The following ADARB2 variants were observed in gnomAD, a reference collection of about 807,000 sequenced individuals.
ADARB2 encodes adenosine deaminase RNA specific B2 (inactive), also known as inactive double-stranded RNA-specific editase B2.
A neutral mutation model predicts 62.2 loss-of-function variants in ADARB2; 25 were observed. The ratio of observed to expected loss-of-function variants is 0.40; its 90% CI spans 0.29 to 0.56. The LOEUF (loss-of-function observed/expected upper bound fraction) is 0.56, where lower values mean the gene tolerates loss of function less well. Ranked by LOEUF, ADARB2 falls within the 20% of genes least tolerant of loss-of-function variation. The probability of loss-of-function intolerance (pLI) is 0.43; values close to 1 mark genes in which losing one functional copy is unlikely to be tolerated. For missense variants in ADARB2, 1,071 were observed against 1,077.4 expected (o/e 0.99, Z 0.08); for synonymous variants, 572 against 500.8 (o/e 1.14, Z -1.90).
chr10:1,652,826 A>G (rs1327775754), intron 1 of ADARB2, among the ~76,000 whole-genome samples: 1 of 152,096 alleles, frequency 6.6e-6, no homozygotes, highest in Admixed American at 6.5e-5. Context: ...TCACCCCCCA[A>G]GACTAAGGTC....
intron 2 of ADARB2, among the ~76,000 whole-genome samples, chr10:1,367,614 G>T (rs1170584454): frequency 6.6e-6 from 1 of 152,140 alleles, no homozygotes; most frequent in Non-Finnish European, 1.5e-5. Context: ...TTAACCATGG[G>T]ATTTTCCAAA....
chr10:1,530,881 C>CCAGCACTCAGGTCTCAGCACT, intron 1 of ADARB2, among the ~76,000 whole-genome samples: 1 of 149,756 alleles, frequency 6.7e-6, no homozygotes, highest in Admixed American at 6.6e-5. Context: ...CACTCAGCAC[C>CCAGCACTCAGGTCTCAGCACT]CAGCACTCAG....
At chr10:1,609,831 A>G (rs1210719972) in intron 1 of ADARB2, among the ~76,000 whole-genome samples, 1 of 151,852 alleles carries the variant, frequency 6.6e-6, no homozygotes, top group Non-Finnish European at 1.5e-5. Context: ...TTAGCAAATC[A>G]CCTCTCCAGG....
At chr10:1,716,115 C>G (rs1338372417) in intron 1 of ADARB2, among the ~76,000 whole-genome samples, 1 of 151,998 alleles carries the variant, frequency 6.6e-6, no homozygotes, top group Non-Finnish European at 1.5e-5. Flanking sequence ...CGTGCGCGTT[C>G]CACAATGACT....
Position 1,183,087 on chromosome 10 carries a change from A to G in ADARB2, c.*106T>C, listed in dbSNP as rs1437515002. Reference sequence around the variant, plus strand: ...CACACTCGCGTGTTTCTGGGACACCAAAGTAAAACGAATGCAGGGAACCGG... The same window carrying G: ...CACACTCGCGTGTTTCTGGGACACCGAAGTAAAACGAATGCAGGGAACCGG... On this transcript the variant is annotated 3_prime_UTR_variant, in exon 10 of 10. Transcript: ENST00000381312. The G allele has an allele frequency of 1.5e-6, 2 of 1,328,444 alleles. No individual in the cohort carries two copies. The highest frequency in any genetic ancestry group is 2.1e-6 in the Non-Finnish European group (2 of 972,786). 82.3% of individuals were successfully genotyped at this position (1,328,444 alleles called of 1,614,324 possible). A position where few individuals can be genotyped will look rare whatever the true frequency, so the allele number is the denominator to read the frequency against.
intron 1 of ADARB2, among the ~76,000 whole-genome samples, chr10:1,449,623 T>A (rs566188186): frequency 2.0e-5 from 3 of 152,280 alleles, no homozygotes; most frequent in South Asian, 4.1e-4. Flanking sequence ...AGAGAACATG[T>A]CTGAAATCTC....
intron 1 of ADARB2, among the ~76,000 whole-genome samples, chr10:1,648,621 G>T (rs1834074060): frequency 6.6e-6 from 1 of 152,116 alleles, no homozygotes; most frequent in South Asian, 2.1e-4. Context: ...CCTGGCCCCC[G>T]TGGAAACATG....
intron 1 of ADARB2, among the ~76,000 whole-genome samples, chr10:1,544,985 A>AC (rs10523350): frequency 2.0e-5 from 3 of 151,874 alleles, no homozygotes; most frequent in Non-Finnish European, 4.4e-5. Context: ...ACACACACAC[A>AC]ATGTCCCTTG....
chr10:1,326,794 G>C (rs1385981448), intron 3 of ADARB2, among the ~76,000 whole-genome samples: 2 of 72,106 alleles, frequency 2.8e-5, no homozygotes, highest in South Asian at 7.0e-4. Flanking sequence ...ACTGCCCAGC[G>C]CCTCCCCACG....
chr10:1,330,985 C>G lies in ADARB2; in HGVS notation c.1077+32043G>C, dbSNP rs192224929. 2.5e-3 allele frequency among the ~76,000 whole-genome samples: 380 copies of G among 152,216 alleles called. 5 individuals are homozygous for G. Among genetic ancestry groups the G allele is most frequent in the Admixed American group, 0.018 (277 of 15,284 alleles). On this transcript the variant is annotated intron_variant, in intron 3 of 9. Transcript: ENST00000381312. ...ATCAAGGATTAGAATACATATTTCT[C>G]CAAAGAAGACATAGAAATGGCAAAT...
At chr10:1,194,742 G>T (rs2131739022) in intron 8 of ADARB2, among the ~76,000 whole-genome samples, 1 of 152,096 alleles carries the variant, frequency 6.6e-6, no homozygotes, top group African/African-American at 2.4e-5. Flanking sequence ...ATTTGGTTCT[G>T]TTTTTTTCTG....
chr10:1,352,515 G>A (rs1198299086), intron 3 of ADARB2, among the ~76,000 whole-genome samples: 1 of 152,100 alleles, frequency 6.6e-6, no homozygotes, highest in Non-Finnish European at 1.5e-5. Context: ...CAAGAGCCAG[G>A]ACCGCGTCCT....
chr10:1,361,906 C>T (rs973005401), intron 3 of ADARB2, among the ~76,000 whole-genome samples: 1 of 152,206 alleles, frequency 6.6e-6, no homozygotes, highest in Admixed American at 6.5e-5. Context: ...TGTTTCTTTC[C>T]TTGATTGATG....
At chr10:1,697,847 C>T (rs887035199) in intron 1 of ADARB2, among the ~76,000 whole-genome samples, 9 of 152,204 alleles carry the variant, frequency 5.9e-5, no homozygotes, top group African/African-American at 2.2e-4. Context: ...ACTTCTCTTT[C>T]GACTTGCTTA....
intron 1 of ADARB2, among the ~76,000 whole-genome samples, chr10:1,598,435 T>C (rs1833365210): frequency 6.6e-6 from 1 of 152,172 alleles, no homozygotes; most frequent in Non-Finnish European, 1.5e-5. Context: ...ATAAAATAAA[T>C]GAGGATCATA....
At chr10:1,298,617 T>C (rs58143835) in intron 3 of ADARB2, among the ~76,000 whole-genome samples, 3,794 of 151,318 alleles carry the variant, frequency 0.025, 107 homozygotes, top group East Asian at 0.11. Context: ...CACACGTGGA[T>C]GGAGAAGACA....
intron 1 of ADARB2, among the ~76,000 whole-genome samples, chr10:1,428,137 A>AT (rs1311466455): frequency 1.3e-5 from 2 of 150,764 alleles, no homozygotes; most frequent in South Asian, 2.1e-4. Flanking sequence ...CACCCGACTA[A>AT]TTTTTTTGTA....
chr10:1,732,304 T>C (rs1253731179), intron 1 of ADARB2, among the ~76,000 whole-genome samples: 1 of 116,910 alleles, frequency 8.6e-6, no homozygotes, highest in Non-Finnish European at 1.7e-5. Context: ...TAAGTTATCT[T>C]TTCATGCCTC....
At chr10:1,541,791 G>GCTGT (rs1426219879) in intron 1 of ADARB2, among the ~76,000 whole-genome samples, 3 of 45,396 alleles carry the variant, frequency 6.6e-5, no homozygotes, top group Non-Finnish European at 1.2e-4. Context: ...CTGGATCACA[G>GCTGT]CCGCCCAGAC....
Sources: allele counts gnomAD v4.1 joint callset (sites outside exome capture counted in the v4.1 genomes callset), GRCh38; gene constraint gnomAD v4.1.1; transcripts MANE v1.5; gene names NCBI Gene and HGNC (gene_info 2026-07-23, HGNC 2026-07-21).